The following FARP2 variants were observed in gnomAD, a reference collection of about 807,000 sequenced individuals.
FARP2 encodes FERM, ARHGEF and pleckstrin domain-containing protein 2.
A neutral mutation model predicts 130.5 loss-of-function variants in FARP2; 111 were observed. The ratio of observed to expected loss-of-function variants is 0.85; its 90% CI spans 0.73 to 1.00. The LOEUF (loss-of-function observed/expected upper bound fraction) is 1.00, where lower values mean the gene tolerates loss of function less well. Ranked by LOEUF, FARP2 falls within the 50% of genes least tolerant of loss-of-function variation. The pLI is 0.00. For synonymous variants in FARP2, 504 were observed against 516.9 expected (o/e 0.98, Z 0.34); for missense variants, 1,385 against 1,346.3 (o/e 1.03, Z -0.45).
chr2:241,492,495 T>C (rs2064956473), intron 24 of FARP2, among the ~76,000 whole-genome samples: 3 of 152,192 alleles, frequency 2.0e-5, no homozygotes, highest in Non-Finnish European at 4.4e-5. Flanking sequence ...CCATGCCTAA[T>C]CCTGGCAGAA....
chr2:241,357,304 T>A (rs2061091138), intron 1 of FARP2, among the ~76,000 whole-genome samples: 1 of 152,154 alleles, frequency 6.6e-6, no homozygotes, highest in African/African-American at 2.4e-5. Context: ...GAGGTGGCAG[T>A]GGGTTAGCGT....
At chr2:241,477,135 T>A (rs1025528836) in intron 19 of FARP2, among the ~76,000 whole-genome samples, 5 of 149,688 alleles carry the variant, frequency 3.3e-5, no homozygotes, top group Non-Finnish European at 7.4e-5. Context: ...TTTTTTTTTT[T>A]TTTTTTTTTA....
intron 6 of FARP2, among the ~76,000 whole-genome samples, chr2:241,412,686 C>G (rs1247539143): frequency 6.6e-6 from 1 of 152,088 alleles, no homozygotes; most frequent in Non-Finnish European, 1.5e-5. Flanking sequence ...AATACTTCAG[C>G]CTGATCATGA....
At chr2:241,421,681 G>A (rs564926397) in intron 8 of FARP2, among the ~76,000 whole-genome samples, 1 of 152,004 alleles carries the variant, frequency 6.6e-6, no homozygotes, top group African/African-American at 2.4e-5. Context: ...CCCCCTACAG[G>A]TGCATTTGGG....
chr2:241,378,460 G>A (rs1039032430), intron 2 of FARP2, among the ~76,000 whole-genome samples: 1 of 128,862 alleles, frequency 7.8e-6, no homozygotes, highest in African/African-American at 3.0e-5. Context: ...CACCCAGACT[G>A]GAGTGCAGTG....
At chr2:241,484,144 T>A in intron 20 of FARP2, 98 bp from the exon 21 acceptor site, 1 of 1,570,772 alleles carries the variant, frequency 6.4e-7, no homozygotes. Context: ...GCTGCACAGA[T>A]CTGATGTCCA....
chr2:241,466,672 T>C, intron 17 of FARP2: 2 of 893,194 alleles, frequency 2.2e-6, no homozygotes. Context: ...AGCCCCGCCT[T>C]CACTCCCCTT....
At chr2:241,423,791 GA>G (rs572900123) in intron 8 of FARP2, among the ~76,000 whole-genome samples, 1 of 151,860 alleles carries the variant, frequency 6.6e-6, no homozygotes, top group Admixed American at 6.6e-5. Context: ...ATGGAAAACA[GA>G]AAAAAACAAG....
intron 1 of FARP2, 109 bp downstream of exon 1, chr2:241,356,497 C>G (rs943839605): frequency 6.6e-6 from 1 of 152,336 alleles, no homozygotes; most frequent in African/African-American, 2.4e-5. Context: ...GGCGCTGAGG[C>G]CGCGGTCCAC....
intron 7 of FARP2, among the ~76,000 whole-genome samples, chr2:241,414,171 G>A (rs1056487695): frequency 3.3e-5 from 5 of 152,132 alleles, no homozygotes; most frequent in African/African-American, 9.7e-5. Context: ...TGGCACCCAT[G>A]GCCTTCATCT....
intron 14 of FARP2, among the ~76,000 whole-genome samples, chr2:241,461,474 T>G (rs1387921503): frequency 1.3e-5 from 2 of 152,196 alleles, no homozygotes; most frequent in Non-Finnish European, 2.9e-5. Flanking sequence ...CTCCCCACAT[T>G]GCTCCAGCCC....
At chr2:241,487,396 G>A (rs550827668) in intron 21 of FARP2, among the ~76,000 whole-genome samples, 5 of 152,226 alleles carry the variant, frequency 3.3e-5, no homozygotes, top group Non-Finnish European at 5.9e-5. Context: ...AACAGGGCAC[G>A]GTGGCTCACG....
At chr2:241,398,404 A>C (rs190289401) in intron 2 of FARP2, among the ~76,000 whole-genome samples, 1 of 152,314 alleles carries the variant, frequency 6.6e-6, no homozygotes, top group African/African-American at 2.4e-5. Context: ...AATATGTACT[A>C]TGTGAAAATT....
rs200063144 is a variant in FARP2 at position 241,441,502 on chromosome 2, C to G, written c.1357C>G (p.Pro453Ala). 3 of 1,613,852 alleles carry G rather than the reference C, an allele frequency of 1.9e-6. No homozygotes were observed. The highest frequency in any genetic ancestry group is 2.5e-6 in the Non-Finnish European group (3 of 1,179,772). ...ERRSGAVAGGPDTPSAQPLGP... is the reference protein window; with the variant it reads ...ERRSGAVAGGADTPSAQPLGP... ...GCGCAGTGGAGCAGTGGCTGGAGGC[C>G]CCGACACACCATCGGCCCAGCCCCT... Residue 453 changes from proline to alanine, a missense_variant, in exon 13 of 27, where the codon CCC becomes GCC. Physicochemically the swap from Pro to Ala is conservative, Grantham distance 27. Coordinates refer to ENST00000264042, the MANE Select transcript of FARP2 (RefSeq NM_014808.4).
chr2:241,484,693 C>T (rs1254686378), intron 21 of FARP2, among the ~76,000 whole-genome samples: 7 of 152,230 alleles, frequency 4.6e-5, no homozygotes, highest in Non-Finnish European at 7.3e-5. Context: ...GTGTGACATC[C>T]ATGCCAGCCC....
At chr2:241,486,401 G>A (rs1473775404) in intron 21 of FARP2, among the ~76,000 whole-genome samples, 1 of 126,580 alleles carries the variant, frequency 7.9e-6, no homozygotes, top group Non-Finnish European at 1.6e-5. Context: ...GGTCAAGGCT[G>A]TAGTGAGCCG....
intron 12 of FARP2, among the ~76,000 whole-genome samples, chr2:241,437,151 A>G (rs2063252458): frequency 6.6e-6 from 1 of 152,256 alleles, no homozygotes. Flanking sequence ...GCATGGCTTA[A>G]AAAGAGTATG....
chr2:241,483,728 C>A, intron 20 of FARP2, 195 bp downstream of exon 20: 1 of 904,704 alleles, frequency 1.1e-6, no homozygotes, highest in Non-Finnish European at 1.3e-6. Flanking sequence ...CAGAAAACAG[C>A]TTCCCCACCC....
intron 13 of FARP2, chr2:241,442,077 A>G: frequency 2.7e-6 from 1 of 374,464 alleles, no homozygotes; most frequent in Non-Finnish European, 5.3e-6. Context: ...CCTCGGAGCT[A>G]TTTGAGGTGA....
Sources: allele counts gnomAD v4.1 joint callset (sites outside exome capture counted in the v4.1 genomes callset), GRCh38; gene constraint gnomAD v4.1.1; transcripts MANE v1.5; gene names NCBI Gene and HGNC (gene_info 2026-07-23, HGNC 2026-07-21).